TUSC7: variants seen among roughly 807,000 people sequenced by gnomAD.
TUSC7 encodes the protein LSAMP antisense RNA 3.
chr3:116,712,494 G>A (rs546123373), intron 1 of TUSC7: 1 of 152,238 alleles, frequency 6.6e-6, no homozygotes, highest in East Asian at 1.9e-4. Context: ...AAATTGGATG[G>A]AATTCAGAGA....
At chr3:116,716,554 A>G (rs994893865) in intron 1 of TUSC7, 4 of 152,236 alleles carry the variant, frequency 2.6e-5, no homozygotes, top group African/African-American at 9.6e-5. Flanking sequence ...GCTTCAAAGT[A>G]ACTAAAACAA....
intron 1 of TUSC7, chr3:116,712,942 A>G (rs2051474926): frequency 6.6e-6 from 1 of 152,178 alleles, no homozygotes; most frequent in African/African-American, 2.4e-5. Context: ...GTGCTTCTAC[A>G]TGCATTACAC....
In TUSC7 at chr3:116,714,822, C is replaced by T. The variant is rs146150316; in HGVS notation, n.99-2939C>T. Among the ~76,000 whole-genome samples, 27 of 152,270 alleles carry T rather than the reference C, an allele frequency of 1.8e-4. No individual in the cohort carries two copies. The East Asian group carries it at 2.7e-3, about 15-fold the overall frequency. ...TGGAACATCTGTTACAATTGATGAA[C>T]CTGCATTGACATATAATCACACAAA... is the stretch of plus-strand genomic sequence containing the variant. On this transcript the variant is annotated intron_variant and non_coding_transcript_variant, in intron 1 of 2. Coordinates refer to ENST00000477805, the Ensembl canonical transcript of TUSC7.
At chr3:116,714,559 T>C (rs1057180825) in intron 1 of TUSC7, among the ~76,000 whole-genome samples, 1 of 152,184 alleles carries the variant, frequency 6.6e-6, no homozygotes, top group African/African-American at 2.4e-5. Flanking sequence ...CATCTCCAGA[T>C]GATGTTGATG....
chr3:116,716,848 T>G (rs2051512642), intron 1 of TUSC7: 1 of 152,160 alleles, frequency 6.6e-6, no homozygotes, highest in African/African-American at 2.4e-5. Context: ...GCCTCTGTTC[T>G]GTCAGGATGT....
At chr3:116,710,449 A>G (rs1486750321) in intron 1 of TUSC7, 2 of 152,144 alleles carry the variant, frequency 1.3e-5, no homozygotes, top group Non-Finnish European at 2.9e-5. Flanking sequence ...TCCCAAATAT[A>G]TCAGGAGGAA....
intron 1 of TUSC7, chr3:116,714,045 C>T (rs916164911): frequency 3.3e-5 from 5 of 152,028 alleles, no homozygotes; most frequent in African/African-American, 1.2e-4. Flanking sequence ...ACAGTGACTT[C>T]CTATTATCCT....
At chr3:116,713,559 G>A (rs1338810767) in intron 1 of TUSC7, among the ~76,000 whole-genome samples, 5 of 152,180 alleles carry the variant, frequency 3.3e-5, no homozygotes, top group South Asian at 2.1e-4. Context: ...AACCAGGTAC[G>A]AACACTGTTG....
intron 1 of TUSC7, among the ~76,000 whole-genome samples, chr3:116,715,892 G>A (rs182777707): frequency 8.5e-5 from 13 of 152,278 alleles, no homozygotes; most frequent in African/African-American, 3.1e-4. Flanking sequence ...TGTATTTATA[G>A]TTTTATTTGC....
At chr3:116,712,327 G>C (rs1330951214) in intron 1 of TUSC7, 1 of 152,132 alleles carries the variant, frequency 6.6e-6, no homozygotes, top group Non-Finnish European at 1.5e-5. Flanking sequence ...TTTCTCAAGA[G>C]TTACTGTTTC....
At chr3:116,714,469 A>G (rs1163099754) in intron 1 of TUSC7, among the ~76,000 whole-genome samples, 2 of 152,182 alleles carry the variant, frequency 1.3e-5, no homozygotes, top group East Asian at 3.8e-4. Context: ...TAATGTGTAT[A>G]TAAATCACTG....
At chr3:116,712,841 C>T (rs953649401) in intron 1 of TUSC7, 2 of 152,062 alleles carry the variant, frequency 1.3e-5, no homozygotes, top group South Asian at 2.1e-4. Flanking sequence ...TCAGTGTTGA[C>T]CTGCACTGAG....
intron 1 of TUSC7, among the ~76,000 whole-genome samples, chr3:116,715,666 G>A (rs1464750750): frequency 6.6e-6 from 1 of 151,836 alleles, no homozygotes; most frequent in Non-Finnish European, 1.5e-5. Flanking sequence ...TTTTAAATCG[G>A]GTTTGTTTTC....
chr3:116,714,858 T>C (rs1489233949), intron 1 of TUSC7, among the ~76,000 whole-genome samples: 1 of 152,170 alleles, frequency 6.6e-6, no homozygotes, highest in African/African-American at 2.4e-5. Context: ...GTCCATAGTT[T>C]GCATTAGGGG....
At chr3:116,714,481 G>A (rs974436589) in intron 1 of TUSC7, among the ~76,000 whole-genome samples, 1 of 152,042 alleles carries the variant, frequency 6.6e-6, no homozygotes, top group African/African-American at 2.4e-5. Flanking sequence ...AAATCACTGG[G>A]GATCTTGTTA....
At chr3:116,713,931 A>G (rs1393123669) in intron 1 of TUSC7, 2 of 152,224 alleles carry the variant, frequency 1.3e-5, no homozygotes, top group Non-Finnish European at 2.9e-5. Flanking sequence ...GTGCCATTGC[A>G]CTCCAGCCTG....
intron 1 of TUSC7, chr3:116,716,095 G>A (rs1354811615): frequency 6.6e-6 from 1 of 152,092 alleles, no homozygotes; most frequent in Admixed American, 6.6e-5. Context: ...TTTACAAAGT[G>A]GGTTTATATA....
chr3:116,709,959 T>C (rs759830862), intron 1 of TUSC7: 8 of 152,078 alleles, frequency 5.3e-5, no homozygotes, highest in South Asian at 2.1e-4. Context: ...GACAGTGGTT[T>C]AGACAAAAAG....
At chr3:116,713,996 G>C (rs1035665313) in intron 1 of TUSC7, 1 of 152,012 alleles carries the variant, frequency 6.6e-6, no homozygotes, top group African/African-American at 2.4e-5. Context: ...GAAAAAAGAA[G>C]CTAGACTATA....
Sources: gnomAD v4.1 joint callset for allele counts (sites outside exome capture counted in the v4.1 genomes callset) on GRCh38, gnomAD v4.1.1 for gene constraint, MANE v1.5 for transcripts, NCBI Gene and HGNC (gene_info 2026-07-23, HGNC 2026-07-21) for gene names.